The following PLCH1 variants were observed in gnomAD, a reference collection of about 807,000 sequenced individuals.
PLCH1 encodes the protein 1-phosphatidylinositol 4,5-bisphosphate phosphodiesterase eta-1.
A neutral mutation model predicts 126.7 loss-of-function variants in PLCH1; 60 were observed. The ratio of observed to expected loss-of-function variants is 0.47; its 90% CI spans 0.38 to 0.59. PLCH1 has a LOEUF of 0.59. Among genes scored for constraint, PLCH1 ranks in the 20% least tolerant of loss-of-function variants. The pLI is 0.00. For missense variants in PLCH1, 1,723 were observed against 2,040.0 expected, an observed-to-expected ratio of 0.84 and a Z score of 2.99; for synonymous variants, 719 against 734.9, an observed-to-expected ratio of 0.98 and a Z score of 0.35.
At chr3:155,655,451 A>G (rs1021759488) in intron 2 of PLCH1, among the ~76,000 whole-genome samples, 2 of 151,900 alleles carry the variant, frequency 1.3e-5, no homozygotes, top group Non-Finnish European at 2.9e-5. Flanking sequence ...AAGAAGAAGA[A>G]GAAGAAGAGA....
intron 12 of PLCH1, among the ~76,000 whole-genome samples, chr3:155,509,040 T>C (rs1719082411): frequency 7.3e-6 from 1 of 137,440 alleles, no homozygotes; most frequent in Non-Finnish European, 1.5e-5. Flanking sequence ...GAGCCTCTTA[T>C]TGGTCTATTC....
chr3:155,551,938 C>G (rs1341172630), intron 9 of PLCH1, among the ~76,000 whole-genome samples: 1 of 152,158 alleles, frequency 6.6e-6, no homozygotes, highest in East Asian at 1.9e-4. Flanking sequence ...TCTCAACACC[C>G]TACTTCATAC....
Position 155,564,874 on chromosome 3 carries a change from G to C in PLCH1, c.1069+41C>G, listed in dbSNP as rs1204973264. On this transcript the variant is annotated intron_variant, in intron 8 of 22. Coordinates refer to ENST00000460012, the MANE Select transcript of PLCH1 (RefSeq NM_014996.4). Reference sequence around the variant, plus strand: ...ACTCGACAGACTGATTAAAGGACAGGGTCACCCATACACACCGGAGCTCAG... The same window carrying C: ...ACTCGACAGACTGATTAAAGGACAGCGTCACCCATACACACCGGAGCTCAG... 2.3e-6 allele frequency: 3 copies of C among 1,304,342 alleles called. No individual in the cohort carries two copies. In the African/African-American group the frequency reaches 4.3e-5, roughly 19 times the overall value. The allele number at this position is 1,304,342 out of a possible 1,614,324, so 80.8% of individuals were successfully genotyped here.
chr3:155,732,458 G>A (rs565498869), intron 1 of PLCH1, among the ~76,000 whole-genome samples: 3 of 151,776 alleles, frequency 2.0e-5, no homozygotes, highest in Non-Finnish European at 2.9e-5. Flanking sequence ...AGGCCGAGGC[G>A]GGTGGATCAC....
At chr3:155,612,750 AAT>A (rs2108739376) in intron 2 of PLCH1, among the ~76,000 whole-genome samples, 1 of 150,796 alleles carries the variant, frequency 6.6e-6, no homozygotes, top group South Asian at 2.1e-4. Flanking sequence ...CTCTACTAAA[AAT>A]ACAAAATTAG....
At chr3:155,555,106 A>T (rs578216648) in intron 8 of PLCH1, among the ~76,000 whole-genome samples, 1 of 152,376 alleles carries the variant, frequency 6.6e-6, no homozygotes, top group South Asian at 2.1e-4. Context: ...ATAGCACAGC[A>T]TCCAACACAG....
chr3:155,688,642 C>T (rs1255975666), intron 2 of PLCH1, among the ~76,000 whole-genome samples: 1 of 152,186 alleles, frequency 6.6e-6, no homozygotes, highest in East Asian at 1.9e-4. Context: ...CCAGACCCGC[C>T]CTGGGCCAGA....
At chr3:155,710,847 A>C (rs996583365) in intron 1 of PLCH1, among the ~76,000 whole-genome samples, 3 of 152,064 alleles carry the variant, frequency 2.0e-5, no homozygotes, top group East Asian at 3.9e-4. Flanking sequence ...AAAAAAAAAA[A>C]AACTAGTTTT....
At chr3:155,476,336 A>T (rs1332526387), downstream of PLCH1, among the ~76,000 whole-genome samples, 1 of 152,134 alleles carries the variant, frequency 6.6e-6, no homozygotes, top group African/African-American at 2.4e-5. Flanking sequence ...AGCTAGTATC[A>T]TATTGAATGG....
chr3:155,559,711 C>T (rs1727325997), intron 8 of PLCH1, among the ~76,000 whole-genome samples: 1 of 152,128 alleles, frequency 6.6e-6, no homozygotes, highest in African/African-American at 2.4e-5. Context: ...TGCATAGCCT[C>T]GTTTGTACAA....
At chr3:155,633,684 G>T (rs1738357739) in intron 2 of PLCH1, among the ~76,000 whole-genome samples, 1 of 152,218 alleles carries the variant, frequency 6.6e-6, no homozygotes, top group South Asian at 2.1e-4. Context: ...ACTTTGGGAG[G>T]TTGAGAGGGG....
chr3:155,596,604 C>T (rs959997384), intron 2 of PLCH1, among the ~76,000 whole-genome samples: 3 of 150,926 alleles, frequency 2.0e-5, no homozygotes, highest in Non-Finnish European at 4.4e-5. Flanking sequence ...AATCTACTTC[C>T]AGGTAAATAA....
chr3:155,691,611 A>C (rs1745390981), intron 2 of PLCH1, among the ~76,000 whole-genome samples: 1 of 152,228 alleles, frequency 6.6e-6, no homozygotes, highest in African/African-American at 2.4e-5. Flanking sequence ...CTTGCCTTCC[A>C]CAACAAAATG....
intron 2 of PLCH1, among the ~76,000 whole-genome samples, chr3:155,680,252 G>A (rs1016074574): frequency 8.6e-5 from 13 of 151,878 alleles, no homozygotes; most frequent in South Asian, 2.1e-4. Flanking sequence ...GTGTGGTGGC[G>A]TGAACCTGTA....
intron 2 of PLCH1, among the ~76,000 whole-genome samples, chr3:155,670,918 G>C (rs1743359660): frequency 6.6e-6 from 1 of 152,060 alleles, no homozygotes; most frequent in Admixed American, 6.6e-5. Flanking sequence ...ATATTTGCAG[G>C]CCCATTTATT....
intron 2 of PLCH1, among the ~76,000 whole-genome samples, chr3:155,672,371 A>G (rs1743581399): frequency 6.6e-6 from 1 of 152,222 alleles, no homozygotes; most frequent in Non-Finnish European, 1.5e-5. Context: ...ATAAACTAAC[A>G]GCTCTGTAGA....
intron 2 of PLCH1, among the ~76,000 whole-genome samples, chr3:155,698,427 C>G (rs1277692603): frequency 6.6e-6 from 1 of 152,140 alleles, no homozygotes; most frequent in African/African-American, 2.4e-5. Context: ...GTGTTCTAAA[C>G]TAGACATAAA....
chr3:155,684,170 G>A (rs749814399), intron 2 of PLCH1, among the ~76,000 whole-genome samples: 14 of 152,070 alleles, frequency 9.2e-5, no homozygotes, highest in Non-Finnish European at 1.8e-4. Flanking sequence ...TCATCATAAC[G>A]CAAACCCCCT....
At chr3:155,680,538 T>G (rs1744430430) in intron 2 of PLCH1, among the ~76,000 whole-genome samples, 1 of 152,104 alleles carries the variant, frequency 6.6e-6, no homozygotes, top group Non-Finnish European at 1.5e-5. Context: ...CTAAGACCTA[T>G]CCCACATACA....
Sources: gnomAD v4.1 joint callset for allele counts (sites outside exome capture counted in the v4.1 genomes callset) on GRCh38, gnomAD v4.1.1 for gene constraint, MANE v1.5 for transcripts, NCBI Gene and HGNC (gene_info 2026-07-23, HGNC 2026-07-21) for gene names.